Variants in MKLN1 observed in about 807,000 individuals in gnomAD.
MKLN1 encodes the protein muskelin 1.
In MKLN1, 18 loss-of-function variants were observed where a neutral mutation model predicts 99.0. That is an observed-to-expected ratio of 0.18 (90% CI 0.13 to 0.27). The LOEUF is 0.27. Ranked by LOEUF, MKLN1 falls within the 10% of genes least tolerant of loss-of-function variation. The probability of loss-of-function intolerance (pLI) is 1.00; values close to 1 mark genes in which losing one functional copy is unlikely to be tolerated. For synonymous variants in MKLN1, 288 were observed against 293.2 expected, an observed-to-expected ratio of 0.98 and a Z score of 0.18; for missense variants, 621 against 875.9, an observed-to-expected ratio of 0.71 and a Z score of 3.67.
At chr7:131,142,544 G>A (rs10441386) in intron 1 of MKLN1, among the ~76,000 whole-genome samples, 1 of 151,662 alleles carries the variant, frequency 6.6e-6, no homozygotes, top group African/African-American at 2.4e-5. Context: ...GATCATCCTG[G>A]TTAACACGGT....
Position 131,385,914 on chromosome 7 carries a change from A to G in MKLN1, c.169-1206A>G, listed in dbSNP as rs116532380. ...TTATTTTGTTTGTACTTTTGCTGTC[A>G]TATCTAAGAATCCGGTGCCAAATCC... On this transcript the variant is annotated intron_variant, in intron 2 of 17. Coordinates refer to ENST00000352689, the MANE Select transcript of MKLN1 (RefSeq NM_013255.5). Among the ~76,000 whole-genome samples the G allele has an allele frequency of 9.7e-3, 1,478 of 151,774 alleles. 32 individuals carry two copies. Among genetic ancestry groups the G allele is most frequent in the African/African-American group, 0.033 (1,365 of 41,404 alleles).
chr7:131,350,675 C>T (rs1246436156), intron 1 of MKLN1, among the ~76,000 whole-genome samples: 6 of 152,202 alleles, frequency 3.9e-5, no homozygotes, highest in African/African-American at 1.4e-4. Context: ...TCAATGCCAA[C>T]AAGGGAAAGT....
At chr7:131,270,624 C>G (rs1797870880) in intron 3 of MKLN1, among the ~76,000 whole-genome samples, 1 of 152,190 alleles carries the variant, frequency 6.6e-6, no homozygotes. Context: ...CTTCATTCAT[C>G]TATTTATTCA....
At chr7:131,242,180 T>C (rs890243900) in intron 3 of MKLN1, among the ~76,000 whole-genome samples, 1 of 152,242 alleles carries the variant, frequency 6.6e-6, no homozygotes, top group African/African-American at 2.4e-5. Context: ...TTGTCATCTG[T>C]TGAGGGCAGG....
At chr7:131,171,550 T>C (rs965409655) in intron 2 of MKLN1, among the ~76,000 whole-genome samples, 3 of 152,088 alleles carry the variant, frequency 2.0e-5, no homozygotes, top group South Asian at 2.1e-4. Flanking sequence ...CTCTGCCTCA[T>C]GGGTTCAAGC....
At chr7:131,460,169 G>A (rs372756229) in intron 12 of MKLN1, among the ~76,000 whole-genome samples, 1 of 151,618 alleles carries the variant, frequency 6.6e-6, no homozygotes, top group African/African-American at 2.4e-5. Context: ...TACTCATAGG[G>A]TTTTTTTTCC....
intron 2 of MKLN1, among the ~76,000 whole-genome samples, chr7:131,383,573 G>A (rs1781364870): frequency 6.6e-6 from 1 of 152,196 alleles, no homozygotes; most frequent in African/African-American, 2.4e-5. Context: ...AGACACTGGA[G>A]TGATTTATTA....
At chr7:131,131,975 A>G (rs185250571) in intron 1 of MKLN1, among the ~76,000 whole-genome samples, 1 of 152,346 alleles carries the variant, frequency 6.6e-6, no homozygotes, top group African/African-American at 2.4e-5. Context: ...TCTAGGTTAC[A>G]GGGCTATGTA....
intron 2 of MKLN1, among the ~76,000 whole-genome samples, chr7:131,184,243 G>A (rs1480446247): frequency 1.3e-5 from 2 of 152,000 alleles, no homozygotes; most frequent in Non-Finnish European, 2.9e-5. Context: ...TCCCAACTCC[G>A]CCTCCCTAGT....
At chr7:131,239,966 G>A (rs1413572384) in intron 3 of MKLN1, among the ~76,000 whole-genome samples, 3 of 152,042 alleles carry the variant, frequency 2.0e-5, no homozygotes, top group Admixed American at 6.6e-5. Flanking sequence ...ATGATCACTC[G>A]AGACCAGGAG....
chr7:131,404,303 A>T (rs879553143), intron 6 of MKLN1, among the ~76,000 whole-genome samples: 1 of 152,166 alleles, frequency 6.6e-6, no homozygotes, highest in Non-Finnish European at 1.5e-5. Context: ...AGGCAACTGG[A>T]CCTGAAGTTA....
intron 1 of MKLN1, among the ~76,000 whole-genome samples, chr7:131,339,741 G>GT (rs1241036806): frequency 6.6e-6 from 1 of 151,918 alleles, no homozygotes; most frequent in Non-Finnish European, 1.5e-5. Context: ...TATAAGTATA[G>GT]TATTTCCCTT....
At chr7:131,374,018 ATTTGTATC>A (rs1271317147) in intron 1 of MKLN1, among the ~76,000 whole-genome samples, 66 of 152,046 alleles carry the variant, frequency 4.3e-4, no homozygotes, top group Non-Finnish European at 3.1e-4. Context: ...GGCTGGGGTT[ATTTGTATC>A]AATATAGACT....
intron 9 of MKLN1, among the ~76,000 whole-genome samples, chr7:131,430,992 C>A (rs910741594): frequency 1.3e-5 from 2 of 152,046 alleles, no homozygotes; most frequent in Non-Finnish European, 2.9e-5. Context: ...GAGAGCGAGG[C>A]CAGCAGATCA....
At chr7:131,382,880 C>T (rs553079266) in intron 2 of MKLN1, among the ~76,000 whole-genome samples, 3 of 152,054 alleles carry the variant, frequency 2.0e-5, no homozygotes, top group South Asian at 4.2e-4. Context: ...CCCACCACCA[C>T]GCCCGGCTAA....
intron 3 of MKLN1, among the ~76,000 whole-genome samples, chr7:131,206,171 G>A (rs994654896): frequency 6.6e-6 from 1 of 152,186 alleles, no homozygotes; most frequent in Non-Finnish European, 1.5e-5. Context: ...GGGATTACAG[G>A]CCTGAGCCAC....
rs766125558 is a variant in MKLN1 at position 131,429,127 on chromosome 7, T to C, written c.942T>C (p.Ser314=). The C allele has an allele frequency of 2.5e-6, 4 of 1,612,548 alleles. No individual in the cohort carries two copies. In the Admixed American group the frequency reaches 5.0e-5, roughly 20 times the overall value. The change falls in exon 9 of 18, where the codon TCT becomes TCC. Residue 314 remains serine, a synonymous_variant. Coordinates refer to ENST00000352689, the MANE Select transcript of MKLN1 (RefSeq NM_013255.5). ...SVKENQWTCI[S]RDTEKENGPS... ...AGGAGAACCAGTGGACATGTATCTC[T>C]AGAGACACTGAAAAAGAGGCAAGTT... is the stretch of plus-strand genomic sequence containing the variant.
At chr7:131,352,795 T>G (rs867010156) in intron 1 of MKLN1, among the ~76,000 whole-genome samples, 5 of 152,136 alleles carry the variant, frequency 3.3e-5, no homozygotes, top group Non-Finnish European at 5.9e-5. Context: ...GATACACAGG[T>G]TCATTTGTTT....
At chr7:131,135,358 G>A (rs1292803288) in intron 1 of MKLN1, among the ~76,000 whole-genome samples, 1 of 152,146 alleles carries the variant, frequency 6.6e-6, no homozygotes, top group Non-Finnish European at 1.5e-5. Flanking sequence ...CCTGACCTCA[G>A]GTGATCTGCC....
Sources: allele counts gnomAD v4.1 joint callset (sites outside exome capture counted in the v4.1 genomes callset), GRCh38; gene constraint gnomAD v4.1.1; transcripts MANE v1.5; gene names NCBI Gene and HGNC (gene_info 2026-07-23, HGNC 2026-07-21).